Variants in ABHD17C observed in about 807,000 individuals in gnomAD.
ABHD17C encodes the protein abhydrolase domain containing 17C, depalmitoylase, also known as alpha/beta hydrolase domain-containing protein 17C.
A neutral mutation model predicts 27.9 loss-of-function variants in ABHD17C; 11 were observed. That is an observed-to-expected ratio of 0.39 (90% CI 0.25 to 0.65). The LOEUF (loss-of-function observed/expected upper bound fraction) is 0.65, where lower values mean the gene tolerates loss of function less well. Ranked by LOEUF, ABHD17C falls within the 30% of genes least tolerant of loss-of-function variation. The pLI is 0.45. For missense variants in ABHD17C, 280 were observed against 470.2 expected (o/e 0.60, Z 3.74); for synonymous variants, 233 against 209.1 (o/e 1.11, Z -0.98).
chr15:80,722,931 C>T (rs534584145), intron 1 of ABHD17C, among the ~76,000 whole-genome samples: 2 of 152,304 alleles, frequency 1.3e-5, no homozygotes, highest in Admixed American at 6.5e-5. Flanking sequence ...AGTTAGCTTT[C>T]GCATCTACAG....
At chr15:80,725,489 C>T (rs201193782) in intron 1 of ABHD17C, among the ~76,000 whole-genome samples, 1 of 151,866 alleles carries the variant, frequency 6.6e-6, no homozygotes, top group African/African-American at 2.4e-5. Context: ...TACCTGGTGT[C>T]ATTTTTATAA....
chr15:80,728,191 G>T (rs758009151), intron 1 of ABHD17C, among the ~76,000 whole-genome samples: 2 of 152,156 alleles, frequency 1.3e-5, no homozygotes, highest in Non-Finnish European at 2.9e-5. Flanking sequence ...TTATTCTGTT[G>T]TGTGCCACGT....
intron 1 of ABHD17C, among the ~76,000 whole-genome samples, chr15:80,735,590 C>T (rs866419063): frequency 6.6e-6 from 1 of 152,176 alleles, no homozygotes; most frequent in Non-Finnish European, 1.5e-5. Context: ...CCATCAAACC[C>T]TCGCTCCAGC....
At chr15:80,733,235 T>C (rs574996953) in intron 1 of ABHD17C, among the ~76,000 whole-genome samples, 1 of 152,254 alleles carries the variant, frequency 6.6e-6, no homozygotes, top group South Asian at 2.1e-4. Flanking sequence ...ATACTCCAGG[T>C]TACTTACAGA....
chr15:80,742,743 G>A (rs1175008200), intron 1 of ABHD17C, among the ~76,000 whole-genome samples: 1 of 152,130 alleles, frequency 6.6e-6, no homozygotes, highest in Admixed American at 6.5e-5. Context: ...CTAGAGCTTG[G>A]GGAAGATGAG....
At chr15:80,705,333 T>TGTGTGTGTGTG (rs1555421865) in intron 1 of ABHD17C, among the ~76,000 whole-genome samples, 1 of 106,822 alleles carries the variant, frequency 9.4e-6, no homozygotes, top group Non-Finnish European at 1.9e-5. Context: ...TTCCTATGAT[T>TGTGTGTGTGTG]TGTGTGTGTG....
rs1156425075 is a variant in ABHD17C, at chr15:80,705,527, T to C, written c.590+9508T>C. ...CCACCTTGTCAGTTGCTTAACACAGTGCTTTCCACATAGTAAGAGGATGGT... is the reference window on the plus strand; with the variant it reads ...CCACCTTGTCAGTTGCTTAACACAGCGCTTTCCACATAGTAAGAGGATGGT... On this transcript the variant is annotated intron_variant, in intron 1 of 2. Transcript: ENST00000258884. Among the ~76,000 whole-genome samples the C allele has an allele frequency of 2.6e-5, 4 of 152,248 alleles. No homozygotes were observed. In the East Asian group the frequency reaches 5.8e-4, roughly 22 times the overall value.
chr15:80,733,523 A>G (rs1317089899), intron 1 of ABHD17C, among the ~76,000 whole-genome samples: 5 of 152,160 alleles, frequency 3.3e-5, no homozygotes, highest in African/African-American at 7.2e-5. Context: ...ATGTATTCAC[A>G]CCTAGAGTTC....
intron 1 of ABHD17C, among the ~76,000 whole-genome samples, chr15:80,733,716 A>C (rs544043528): frequency 6.6e-6 from 1 of 152,242 alleles, no homozygotes; most frequent in East Asian, 1.9e-4. Flanking sequence ...AAGCAGGCAA[A>C]CTCACCAACC....
intron 2 of ABHD17C, among the ~76,000 whole-genome samples, chr15:80,751,315 G>T (rs973705230): frequency 6.6e-6 from 1 of 151,854 alleles, no homozygotes; most frequent in East Asian, 1.9e-4. Context: ...AGCCGAGATC[G>T]CACCACTTCA....
chr15:80,747,308 G>T (rs894669901), intron 1 of ABHD17C, among the ~76,000 whole-genome samples: 18 of 152,106 alleles, frequency 1.2e-4, no homozygotes, highest in African/African-American at 3.9e-4. Flanking sequence ...ATTGTGGAGG[G>T]AGGAGGAGAC....
intron 1 of ABHD17C, among the ~76,000 whole-genome samples, chr15:80,733,694 C>T (rs1196766600): frequency 6.6e-6 from 1 of 152,148 alleles, no homozygotes; most frequent in Non-Finnish European, 1.5e-5. Flanking sequence ...CAGTCATTTG[C>T]AAGTCAGTGT....
intron 1 of ABHD17C, among the ~76,000 whole-genome samples, chr15:80,699,415 T>C (rs997412216): frequency 1.3e-5 from 2 of 151,578 alleles, no homozygotes; most frequent in African/African-American, 2.4e-5. Context: ...GGTACAACCA[T>C]AGACAAAAAA....
At chr15:80,742,825 G>A (rs1895228473) in intron 1 of ABHD17C, among the ~76,000 whole-genome samples, 1 of 152,144 alleles carries the variant, frequency 6.6e-6, no homozygotes, top group Non-Finnish European at 1.5e-5. Flanking sequence ...GGGTCTCAGA[G>A]GCCTAGGAAT....
At chr15:80,697,952 TG>T (rs1005069882) in intron 1 of ABHD17C, among the ~76,000 whole-genome samples, 2 of 152,200 alleles carry the variant, frequency 1.3e-5, no homozygotes, top group Non-Finnish European at 2.9e-5. Flanking sequence ...TTTTACGTTT[TG>T]ATCAAGCACA....
At chr15:80,709,679 G>A (rs1596061140) in intron 1 of ABHD17C, among the ~76,000 whole-genome samples, 2 of 152,050 alleles carry the variant, frequency 1.3e-5, no homozygotes, top group Non-Finnish European at 1.5e-5. Context: ...CAGCAGCCCC[G>A]CCTCACACTT....
chr15:80,754,587 A>C lies in ABHD17C; in HGVS notation c.*217A>C, dbSNP rs1895409842. On this transcript the variant is annotated 3_prime_UTR_variant, in exon 3 of 3. Coordinates refer to ENST00000258884, the MANE Select transcript of ABHD17C (RefSeq NM_021214.2). Reference sequence around the variant, plus strand: ...GTTAAACTGAACAGTCGTGATTCCCAGCTTCATTACCTTGCAGGAATGGGA... The same window carrying C: ...GTTAAACTGAACAGTCGTGATTCCCCGCTTCATTACCTTGCAGGAATGGGA... 1.9e-6 allele frequency: 1 copy of C among 519,968 alleles called. No homozygotes were observed. Among genetic ancestry groups the C allele is most frequent in the Admixed American group, 3.4e-5 (1 of 29,148 alleles). The allele number at this position is 519,968 out of a possible 1,614,324, so 32.2% of individuals were successfully genotyped here. A position where few individuals can be genotyped will look rare whatever the true frequency, so the allele number is the denominator to read the frequency against.
At chr15:80,707,624 G>A (rs1295274018) in intron 1 of ABHD17C, among the ~76,000 whole-genome samples, 1 of 151,880 alleles carries the variant, frequency 6.6e-6, no homozygotes, top group Non-Finnish European at 1.5e-5. Flanking sequence ...TTACGAATTT[G>A]TGTTGGGCCA....
At chr15:80,705,334 TGTGTG>T (rs1406234368) in intron 1 of ABHD17C, among the ~76,000 whole-genome samples, 2 of 10,196 alleles carry the variant, frequency 2.0e-4, no homozygotes, top group South Asian at 4.1e-3. Flanking sequence ...TCCTATGATT[TGTGTG>T]TGTGTGTGTG....
Sources: gnomAD v4.1 joint callset for allele counts (sites outside exome capture counted in the v4.1 genomes callset) on GRCh38, gnomAD v4.1.1 for gene constraint, MANE v1.5 for transcripts, NCBI Gene and HGNC (gene_info 2026-07-23, HGNC 2026-07-21) for gene names.